CD84: variants seen among roughly 807,000 people sequenced by gnomAD.
The protein encoded by CD84 is SLAM family member 5.
CD84 carries 22 observed loss-of-function variants against 33.8 expected under a neutral mutation model. That is an observed-to-expected ratio of 0.65 (90% confidence interval 0.46 to 0.93). CD84 has a LOEUF of 0.93. Among genes scored for constraint, CD84 ranks in the 40% least tolerant of loss-of-function variants. The pLI is 0.00. For missense variants in CD84, 400 were observed against 397.6 expected (o/e 1.01, Z -0.05); for synonymous variants, 154 against 145.2 (o/e 1.06, Z -0.44).
chr1:160,567,483 G>C (rs868586736), intron 1 of CD84, among the ~76,000 whole-genome samples: 4 of 152,176 alleles, frequency 2.6e-5, no homozygotes, highest in African/African-American at 7.2e-5. Flanking sequence ...GGAGTATGTG[G>C]AGTGGGAGTA....
In CD84 at chr1:160,545,594, G is replaced by C. The variant is rs1212719731; in HGVS notation, c.*2662C>G. 1 of 152,032 alleles carries C rather than the reference G, an allele frequency of 6.6e-6. No individual in the cohort carries two copies. The highest frequency in any genetic ancestry group is 2.4e-5 in the African/African-American group (1 of 41,370). The allele number at this position is 152,032 out of a possible 1,614,324, so 9.4% of individuals were successfully genotyped here. ...TCCCTCCAAAGTGCCTTTACACTAG[G>C]AACAGCCTCTGATGTATGCATCCTG... On this transcript the variant is annotated 3_prime_UTR_variant, in exon 7 of 7. Coordinates refer to ENST00000368054, the MANE Select transcript of CD84 (RefSeq NM_003874.4).
At chr1:160,549,416 ACATAAGGCACAGG>A (rs555791389) in intron 6 of CD84, among the ~76,000 whole-genome samples, 4 of 152,194 alleles carry the variant, frequency 2.6e-5, no homozygotes, top group Non-Finnish European at 5.9e-5. Context: ...ACAGAGAAGG[ACATAAGGCACAGG>A]CATAAGGCAC....
rs924608614 is a variant in CD84 at position 160,543,934 on chromosome 1, C to T, written c.*4322G>A. 10 of 152,076 alleles carry T rather than the reference C, an allele frequency of 6.6e-5. No homozygotes were observed. The highest frequency in any genetic ancestry group is 1.3e-4 in the Non-Finnish European group (9 of 68,012). The allele number at this position is 152,076 out of a possible 1,614,324, so 9.4% of individuals were successfully genotyped here. A position where few individuals can be genotyped will look rare whatever the true frequency, so the allele number is the denominator to read the frequency against. On this transcript the variant is annotated 3_prime_UTR_variant, in exon 7 of 7. Transcript: ENST00000368054. Reference sequence around the variant, plus strand: ...CACAGGCACATTCCTGTATGAGCAACACCTCATTTAATCCCCACATCAACC... The same window carrying T: ...CACAGGCACATTCCTGTATGAGCAATACCTCATTTAATCCCCACATCAACC...
At position 160,550,949 on chromosome 1, in the gene CD84, G is replaced by A. The variant is rs1557969505; in HGVS notation, c.847C>T (p.Leu283=). 2 of 1,613,898 alleles carry A rather than the reference G, an allele frequency of 1.2e-6. No homozygotes were observed. The highest frequency in any genetic ancestry group is 1.3e-5 in the African/African-American group (1 of 75,024). ...TTGCATCAGCTCACCTTGGACTGCA[G>A]GATTTCATCATAGATTCTGGACTCT... ...PAESRIYDEI[L]QSKVLPSKEE... The change falls in exon 5 of 7, where the codon CTG becomes TTG. Residue 283 remains leucine, a synonymous_variant. Transcript: ENST00000368054.
chr1:160,565,075 GT>G (rs961259819), intron 2 of CD84, among the ~76,000 whole-genome samples: 5 of 152,064 alleles, frequency 3.3e-5, no homozygotes, highest in African/African-American at 9.7e-5. Context: ...AAAATGAAAA[GT>G]TTTTTTAAAG....
intron 2 of CD84, among the ~76,000 whole-genome samples, chr1:160,556,592 C>A (rs1172005983): frequency 6.6e-6 from 1 of 152,206 alleles, no homozygotes; most frequent in Non-Finnish European, 1.5e-5. Flanking sequence ...ATTGTATTAT[C>A]TTTTGCTCTT....
rs551197323 is a variant in CD84 at position 160,550,999 on chromosome 1, A to G, written c.797T>C (p.Met266Thr). The G allele has an allele frequency of 5.6e-6, 9 of 1,614,084 alleles. No individual in the cohort carries two copies. In the South Asian group the frequency reaches 8.8e-5, roughly 16 times the overall value. ...TGCTGGCTGGGTGTTCCTTGAAGCC[A>G]TGATATATGTGTATATGGTTTTCTT... ...ASKKTIYTYI[M>T]ASRNTQPAES... Residue 266 changes from methionine to threonine, a missense_variant, in exon 5 of 7, where the codon ATG (methionine) becomes ACG (threonine). Coordinates refer to ENST00000368054, the MANE Select transcript of CD84 (RefSeq NM_003874.4).
intron 1 of CD84, among the ~76,000 whole-genome samples, chr1:160,568,572 A>G (rs995560828): frequency 3.9e-5 from 6 of 152,164 alleles, no homozygotes; most frequent in Non-Finnish European, 7.4e-5. Context: ...AAGTACTTCT[A>G]CTTATGAACT....
At chr1:160,573,544 T>C (rs2102206774) in intron 1 of CD84, among the ~76,000 whole-genome samples, 1 of 152,278 alleles carries the variant, frequency 6.6e-6, no homozygotes, top group African/African-American at 2.4e-5. Context: ...CACCTGTTGT[T>C]CTCCTCTTTT....
intron 4 of CD84, among the ~76,000 whole-genome samples, chr1:160,551,710 A>T (rs1007562753): frequency 2.6e-5 from 4 of 152,002 alleles, no homozygotes; most frequent in East Asian, 1.9e-4. Flanking sequence ...CACCCAGCAA[A>T]TTTTTTGTAT....
At chr1:160,570,103 G>T (rs577364223) in intron 1 of CD84, among the ~76,000 whole-genome samples, 19 of 152,264 alleles carry the variant, frequency 1.2e-4, no homozygotes, top group African/African-American at 4.6e-4. Flanking sequence ...TGGAAAGGAA[G>T]GGCTGGATTT....
At chr1:160,577,189 C>T (rs143121145) in intron 1 of CD84, among the ~76,000 whole-genome samples, 3 of 152,252 alleles carry the variant, frequency 2.0e-5, no homozygotes, top group East Asian at 1.9e-4. Context: ...TTCCTTATGT[C>T]GGTGATTTCT....
rs576965900 is a variant in CD84 at position 160,566,799 on chromosome 1, A to T, written c.47-1054T>A. Reference sequence around the variant, plus strand: ...AACATTTCCTAGTGAAAACTTAAGGATGAATACTTTTAAAATGTAACATGG... The same window carrying T: ...AACATTTCCTAGTGAAAACTTAAGGTTGAATACTTTTAAAATGTAACATGG... On this transcript the variant is annotated intron_variant, in intron 1 of 6. Transcript: ENST00000368054. Among the ~76,000 whole-genome samples, 41 of 152,318 alleles carry T rather than the reference A, an allele frequency of 2.7e-4. 1 individual carries two copies. The highest frequency in any genetic ancestry group is 9.4e-4 in the African/African-American group (39 of 41,558).
chr1:160,550,640 C>T, intron 5 of CD84: 1 of 985,300 alleles, frequency 1.0e-6, no homozygotes, highest in Non-Finnish European at 1.2e-6. Context: ...TGTTGTGTGG[C>T]CCCTCTAGGG....
chr1:160,572,577 G>GC (rs1657755887), intron 1 of CD84, among the ~76,000 whole-genome samples: 2 of 133,382 alleles, frequency 1.5e-5, no homozygotes, highest in Admixed American at 7.6e-5. Flanking sequence ...TGTAAAAATT[G>GC]GGGGGGGGAA....
chr1:160,576,952 A>C (rs561335971), intron 1 of CD84, among the ~76,000 whole-genome samples: 2 of 152,274 alleles, frequency 1.3e-5, no homozygotes, highest in South Asian at 4.1e-4. Context: ...AATTAAGAGT[A>C]TGAGACAGTA....
intron 1 of CD84, among the ~76,000 whole-genome samples, chr1:160,569,227 G>A (rs964435260): frequency 6.6e-6 from 1 of 152,070 alleles, no homozygotes; most frequent in African/African-American, 2.4e-5. Context: ...AAGCCTGGAG[G>A]GACAGTTTCA....
chr1:160,553,225 A>C, intron 4 of CD84, 153 bp downstream of exon 4: 1 of 1,224,820 alleles, frequency 8.2e-7, no homozygotes. Context: ...TACCATCCTC[A>C]GAGCCATCAT....
rs748833826 is a variant in CD84, at chr1:160,551,081, T to A, written c.761-46A>T. 6 of 1,358,580 alleles carry A rather than the reference T, an allele frequency of 4.4e-6. No homozygotes were observed. In the African/African-American group the frequency reaches 7.2e-5, roughly 16 times the overall value. 84.2% of individuals were successfully genotyped at this position (1,358,580 alleles called of 1,614,324 possible). A position where few individuals can be genotyped will look rare whatever the true frequency, so the allele number is the denominator to read the frequency against. ...GACCCACAGTCTGTGAAAGGTGGTTTTTTTAGCAATGATCTATTCCAATGT... is the reference window on the plus strand; with the variant it reads ...GACCCACAGTCTGTGAAAGGTGGTTATTTTAGCAATGATCTATTCCAATGT... On this transcript the variant is annotated intron_variant, in intron 4 of 6. Transcript: ENST00000368054.
Sources: gnomAD v4.1 joint callset for allele counts (sites outside exome capture counted in the v4.1 genomes callset) on GRCh38, gnomAD v4.1.1 for gene constraint, MANE v1.5 for transcripts, NCBI Gene and HGNC (gene_info 2026-07-23, HGNC 2026-07-21) for gene names.